DAGLA: variants seen among roughly 807,000 people sequenced by gnomAD.
DAGLA encodes diacylglycerol lipase alpha, also known as diacylglycerol lipase-alpha.
DAGLA carries 22 observed loss-of-function variants against 102.6 expected under a neutral mutation model. The observed-to-expected ratio is 0.21, with a 90% CI of 0.15 to 0.31. DAGLA has a LOEUF of 0.31. Among genes scored for constraint, DAGLA ranks in the 10% least tolerant of loss-of-function variants. The probability of loss-of-function intolerance (pLI) is 1.00; values close to 1 mark genes in which losing one functional copy is unlikely to be tolerated. For missense variants in DAGLA, 927 were observed against 1,446.6 expected (o/e 0.64, Z 5.83); for synonymous variants, 578 against 628.9 (o/e 0.92, Z 1.21).
intron 1 of DAGLA, among the ~76,000 whole-genome samples, chr11:61,700,311 T>A (rs2065099620): frequency 6.6e-6 from 1 of 152,180 alleles, no homozygotes; most frequent in African/African-American, 2.4e-5. Context: ...CAGCAGCCTG[T>A]CTGCAGGCCC....
rs1189504708 is a variant in DAGLA at position 61,745,318 on chromosome 11, G to A, written c.*829G>A. 1 of 152,524 alleles carries A rather than the reference G, an allele frequency of 6.6e-6. No homozygotes were observed. The highest frequency in any genetic ancestry group is 1.5e-5 in the Non-Finnish European group (1 of 68,140). 9.4% of individuals were successfully genotyped at this position (152,524 alleles called of 1,614,324 possible). A position where few individuals can be genotyped will look rare whatever the true frequency, so the allele number is the denominator to read the frequency against. ...CTGCTGTGACCACCCCAGCTGCAGA[G>A]TCAGTGCCCTGGGTGGAAGGAAGGC... On this transcript the variant is annotated 3_prime_UTR_variant, in exon 20 of 20. Coordinates refer to ENST00000257215, the MANE Select transcript of DAGLA (RefSeq NM_006133.3).
At position 61,744,249 on chromosome 11, in the gene DAGLA, G is replaced by A. The variant is rs372822668; in HGVS notation, c.2889G>A (p.Gln963=). ...AGCAAGAGATCCTGCTCCGTGCCCA[G>A]TTCGAGCCCAACCTGGTGCCCAAGC... The part of the protein sequence containing the change: ...PSQQEILLRA[Q]FEPNLVPKPP... Residue 963 remains glutamine, a synonymous_variant, in exon 20 of 20, where the codon CAG becomes CAA. Transcript: ENST00000257215. 10 of 1,613,062 alleles carry A rather than the reference G, an allele frequency of 6.2e-6. No homozygotes were observed. The highest frequency in any genetic ancestry group is 8.5e-6 in the Non-Finnish European group (10 of 1,179,968).
intron 1 of DAGLA, among the ~76,000 whole-genome samples, chr11:61,695,398 A>G (rs1187402537): frequency 6.6e-6 from 1 of 152,198 alleles, no homozygotes; most frequent in Admixed American, 6.5e-5. Flanking sequence ...ACTTGAGGAT[A>G]GGGCTTGGCA....
At chr11:61,692,033 A>G (rs2065028362) in intron 1 of DAGLA, among the ~76,000 whole-genome samples, 1 of 152,134 alleles carries the variant, frequency 6.6e-6, no homozygotes, top group Non-Finnish European at 1.5e-5. Context: ...GTGCATTTCT[A>G]ACAACTCCCA....
At position 61,746,609 on chromosome 11, in the gene DAGLA, A is replaced by C. The variant is rs1031362026; in HGVS notation, c.*2120A>C. Reference sequence around the variant, plus strand: ...CCCACCCCTAACCTGGCTCCTACCCACCTCGCCCTTGAAGGATGGGCCTGC... The same window carrying C: ...CCCACCCCTAACCTGGCTCCTACCCCCCTCGCCCTTGAAGGATGGGCCTGC... On this transcript the variant is annotated 3_prime_UTR_variant, in exon 20 of 20. Coordinates refer to ENST00000257215, the MANE Select transcript of DAGLA (RefSeq NM_006133.3). The C allele has an allele frequency of 6.6e-6, 1 of 152,312 alleles. No homozygotes were observed. The highest frequency in any genetic ancestry group is 6.6e-5 in the Admixed American group (1 of 15,256). The allele number at this position is 152,312 out of a possible 1,614,324, so 9.4% of individuals were successfully genotyped here.
Position 61,723,645 on chromosome 11 carries a change from A to C in DAGLA, c.548+73A>C, listed in dbSNP as rs2065302765. On this transcript the variant is annotated intron_variant, in intron 5 of 19. Coordinates refer to ENST00000257215, the MANE Select transcript of DAGLA (RefSeq NM_006133.3). ...TGGTGAGCAGAGGTCTCCATTCTTC[A>C]GAAGGCTACCCCAGGCCTCCCAGAC... The C allele has an allele frequency of 1.1e-5, 18 of 1,569,088 alleles. No individual in the cohort carries two copies. The South Asian group carries it at 2.0e-4, about 18-fold the overall frequency.
rs368402656 is a variant in DAGLA at position 61,741,119 on chromosome 11, G to A, written c.1984-43G>A. 6 of 1,566,170 alleles carry A rather than the reference G, an allele frequency of 3.8e-6. No homozygotes were observed. The African/African-American group carries it at 6.8e-5, about 18-fold the overall frequency. ...CCACATCGGCCCCACGATGGGGCCT[G>A]ATGTCCCTCCACCACCCCCAGCCTC... On this transcript the variant is annotated intron_variant, in intron 18 of 19. Coordinates refer to ENST00000257215, the MANE Select transcript of DAGLA (RefSeq NM_006133.3).
rs1022448693 is a variant in DAGLA at position 61,734,347 on chromosome 11, A to G, written c.975-502A>G. ...GGGAAGACCTCAGGAGGGTTGGGGT[A>G]CACAAGCAGGGAAGGGGTTTGAGAG... is the stretch of plus-strand genomic sequence containing the variant. On this transcript the variant is annotated intron_variant, in intron 9 of 19. Transcript: ENST00000257215. This position sits in a 1 kb window ranked among gnomAD's most constrained non-coding sequence, Gnocchi z 4.2. Among the ~76,000 whole-genome samples, 3 of 152,018 alleles carry G rather than the reference A, an allele frequency of 2.0e-5. No homozygotes were observed. The highest frequency in any genetic ancestry group is 4.2e-4 in the South Asian group (2 of 4,814).
chr11:61,727,306 A>G (rs2065336413), intron 6 of DAGLA, among the ~76,000 whole-genome samples: 1 of 152,202 alleles, frequency 6.6e-6, no homozygotes, highest in African/African-American at 2.4e-5. Flanking sequence ...GCTGGAGCCG[A>G]GCAGTATCTG....
At chr11:61,719,963 C>T (rs561520275) in intron 1 of DAGLA, 149 bp from the exon 2 acceptor site, 35 of 610,076 alleles carry the variant, frequency 5.7e-5, no homozygotes, top group East Asian at 1.9e-4. Context: ...GGCTCCTGCC[C>T]GGAGGTGGGT....
Position 61,693,507 on chromosome 11 carries a change from C to T in DAGLA, c.-45+13003C>T, listed in dbSNP as rs1015577261. On this transcript the variant is annotated intron_variant, in intron 1 of 19. Coordinates refer to ENST00000257215, the MANE Select transcript of DAGLA (RefSeq NM_006133.3). ...GGGACTACAGGCGCCCACCACCATG[C>T]CCAGCTAATTTTTGTATTTTTAGTG... Among the ~76,000 whole-genome samples the T allele has an allele frequency of 2.0e-5, 3 of 150,066 alleles. No individual in the cohort carries two copies. In the East Asian group the frequency reaches 6.0e-4, roughly 30 times the overall value.
intron 1 of DAGLA, among the ~76,000 whole-genome samples, chr11:61,693,786 G>A (rs1290810855): frequency 2.6e-5 from 4 of 152,178 alleles, no homozygotes; most frequent in Non-Finnish European, 4.4e-5. Flanking sequence ...TTTCACCATC[G>A]CCTCCCTCAC....
intron 5 of DAGLA, 140 bp downstream of exon 5, chr11:61,723,712 G>A: frequency 2.0e-6 from 2 of 1,005,408 alleles, no homozygotes; most frequent in South Asian, 3.2e-5. Context: ...TAGTCAAAGG[G>A]CTTAACTGCT....
At chr11:61,726,625 G>T (rs1591045387) in intron 6 of DAGLA, among the ~76,000 whole-genome samples, 1 of 152,194 alleles carries the variant, frequency 6.6e-6, no homozygotes, top group South Asian at 2.1e-4. Context: ...GGGGTGCCCC[G>T]CAGCGGGCAG....
At chr11:61,729,118 C>T in intron 8 of DAGLA, 110 bp downstream of exon 8, 1 of 926,640 alleles carries the variant, frequency 1.1e-6, no homozygotes. Flanking sequence ...CCACATTGCC[C>T]CTGCCCGGTC....
rs1315057199 is a variant in DAGLA, at chr11:61,737,057, AC to A, written c.1372-124del. The A allele has an allele frequency of 2.2e-6, 3 of 1,347,220 alleles. No homozygotes were observed. In the East Asian group the frequency reaches 6.9e-5, roughly 31 times the overall value. 83.5% of individuals were successfully genotyped at this position (1,347,220 alleles called of 1,614,324 possible). A position where few individuals can be genotyped will look rare whatever the true frequency, so the allele number is the denominator to read the frequency against. ...CTTGGTTCTCTGTGCCCTAGCATTCACACAGCACAGACAAGATCCCAGGACT... is the reference window on the plus strand; with the variant it reads ...CTTGGTTCTCTGTGCCCTAGCATTCAACAGCACAGACAAGATCCCAGGACT... On this transcript the variant is annotated intron_variant, in intron 13 of 19. Coordinates refer to ENST00000257215, the MANE Select transcript of DAGLA (RefSeq NM_006133.3).
At chr11:61,716,069 A>G (rs1327814318) in intron 1 of DAGLA, among the ~76,000 whole-genome samples, 1 of 152,176 alleles carries the variant, frequency 6.6e-6, no homozygotes. Context: ...GGAAGGAGCC[A>G]CTGTCTCAGC....
chr11:61,712,440 G>A (rs919663374), intron 1 of DAGLA, among the ~76,000 whole-genome samples: 1 of 152,156 alleles, frequency 6.6e-6, no homozygotes, highest in African/African-American at 2.4e-5. Context: ...CCTGGGCGGC[G>A]GGTAGGAGGG....
chr11:61,723,361 C>G, intron 4 of DAGLA, 73 bp from the exon 5 acceptor site: 1 of 1,571,208 alleles, frequency 6.4e-7, no homozygotes, highest in Non-Finnish European at 8.7e-7. Context: ...TCCAATGTCC[C>G]TTTCTTCAGA....
Sources: allele counts gnomAD v4.1 joint callset (sites outside exome capture counted in the v4.1 genomes callset), GRCh38; gene constraint gnomAD v4.1.1; non-coding constraint Gnocchi (gnomAD v3.1); transcripts MANE v1.5; gene names NCBI Gene and HGNC (gene_info 2026-07-23, HGNC 2026-07-21).